Variants in MTFR1 observed in about 807,000 individuals in gnomAD.
MTFR1 encodes the protein mitochondrial fission regulator 1.
A neutral mutation model predicts 38.8 loss-of-function variants in MTFR1; 28 were observed. That is an observed-to-expected ratio of 0.72 (90% CI 0.53 to 0.99). The LOEUF (loss-of-function observed/expected upper bound fraction) is 0.99. Ranked by LOEUF, MTFR1 falls within the 50% of genes least tolerant of loss-of-function variation. MTFR1 has a pLI of 0.00. For synonymous variants in MTFR1, 145 were observed against 137.0 expected (o/e 1.06, Z -0.41); for missense variants, 358 against 395.5 (o/e 0.91, Z 0.81).
chr8:65,643,968 A>C (rs193010779), upstream of MTFR1, among the ~76,000 whole-genome samples: 5 of 152,260 alleles, frequency 3.3e-5, no homozygotes, highest in East Asian at 9.6e-4. Flanking sequence ...GATCAATTGC[A>C]ATGGGAGGGT....
chr8:65,773,051 G>C (rs2128921502), downstream of MTFR1, among the ~76,000 whole-genome samples: 1 of 152,222 alleles, frequency 6.6e-6, no homozygotes, highest in East Asian at 1.9e-4. Flanking sequence ...AACTCCTGCA[G>C]AGAACAAGTT....
chr8:65,757,926 A>G (rs1808314185), intron 3 of MTFR1, among the ~76,000 whole-genome samples: 1 of 152,152 alleles, frequency 6.6e-6, no homozygotes, highest in Non-Finnish European at 1.5e-5. Flanking sequence ...CAACTCCAAG[A>G]CTTTTAATGT....
At chr8:65,721,750 G>A (rs1305827103) in intron 3 of MTFR1, 2 of 151,404 alleles carry the variant, frequency 1.3e-5, no homozygotes, top group African/African-American at 4.9e-5. Context: ...AAAAGTAACT[G>A]AGTTGACTAC....
chr8:65,672,515 C>CT (rs199668673), intron 2 of MTFR1, among the ~76,000 whole-genome samples: 15,396 of 148,262 alleles, frequency 0.1, 762 homozygotes, highest in Admixed American at 0.11. Flanking sequence ...CAGTGAATCA[C>CT]TTTTTTTTTT....
rs1268814398 is a variant in MTFR1, at chr8:65,682,469, T to A, written c.165+18T>A. ...AGTTTCAGGTATTATATTTTATATA[T>A]TTTAAGTATTTTATTAATATGTACA... On this transcript the variant is annotated intron_variant, in intron 3 of 7. Transcript: ENST00000262146. 1 of 1,203,844 alleles carries A rather than the reference T, an allele frequency of 8.3e-7. No individual in the cohort carries two copies. Among genetic ancestry groups the A allele is most frequent in the Non-Finnish European group, 1.1e-6 (1 of 911,546 alleles). 74.6% of individuals were successfully genotyped at this position (1,203,844 alleles called of 1,614,324 possible).
At chr8:65,737,825 A>C (rs1050477056) in intron 3 of MTFR1, among the ~76,000 whole-genome samples, 3 of 152,144 alleles carry the variant, frequency 2.0e-5, no homozygotes, top group Non-Finnish European at 4.4e-5. Context: ...AGCATGTATG[A>C]AATATTAAAT....
intron 3 of MTFR1, among the ~76,000 whole-genome samples, chr8:65,747,115 ATC>A (rs1157376777): frequency 1.3e-5 from 2 of 152,136 alleles, no homozygotes; most frequent in African/African-American, 4.8e-5. Flanking sequence ...ACCCTCAAAA[ATC>A]TCTCTCAATG....
At chr8:65,680,114 CAGGGGTATT>C (rs1047891470) in intron 2 of MTFR1, among the ~76,000 whole-genome samples, 16 of 138,398 alleles carry the variant, frequency 1.2e-4, no homozygotes, top group Non-Finnish European at 1.7e-4. Flanking sequence ...TGGCAGGTGC[CAGGGGTATT>C]ATATATCCTT....
At chr8:65,723,746 C>T (rs914286199) in intron 3 of MTFR1, 1 of 583,972 alleles carries the variant, frequency 1.7e-6, no homozygotes, top group Non-Finnish European at 2.7e-6. Flanking sequence ...GAGAGGACAG[C>T]TTCGCAATTA....
At chr8:65,741,468 G>A (rs919715627) in intron 3 of MTFR1, among the ~76,000 whole-genome samples, 1 of 152,202 alleles carries the variant, frequency 6.6e-6, no homozygotes, top group Non-Finnish European at 1.5e-5. Context: ...TGATGAAAAA[G>A]TACATTAATT....
At chr8:65,771,062 C>CAA (rs1809063331) in exon 4 of MTFR1, 2 of 372,538 alleles carry the variant, frequency 5.4e-6, no homozygotes, top group Non-Finnish European at 1.1e-5. Flanking sequence ...ATCCAAACCA[C>CAA]AATAATTCAT....
At chr8:65,761,471 C>A (rs80229839) in intron 3 of MTFR1, among the ~76,000 whole-genome samples, 1 of 152,206 alleles carries the variant, frequency 6.6e-6, no homozygotes, top group African/African-American at 2.4e-5. Context: ...CCACTTCCAT[C>A]AAGCCTGGAC....
At chr8:65,770,422 T>C (rs957482132) in intron 3 of MTFR1, among the ~76,000 whole-genome samples, 2 of 152,194 alleles carry the variant, frequency 1.3e-5, no homozygotes, top group African/African-American at 2.4e-5. Context: ...AAACCTCTTA[T>C]AAAATCATCA....
chr8:65,777,077 CTTT>C, the MTFR1 span, among the ~76,000 whole-genome samples: 5 of 90,446 alleles, frequency 5.5e-5, no homozygotes, highest in African/African-American at 1.1e-4. Flanking sequence ...TTATCAAATG[CTTT>C]TTTTTTTTTT....
At chr8:65,698,482 T>C (rs1405541753) in intron 4 of MTFR1, among the ~76,000 whole-genome samples, 1 of 152,082 alleles carries the variant, frequency 6.6e-6, no homozygotes, top group Non-Finnish European at 1.5e-5. Context: ...TCATACAGGT[T>C]GAGCAACCCT....
chr8:65,688,098 T>TAAAA (rs546722264), intron 3 of MTFR1, among the ~76,000 whole-genome samples: 5 of 120,850 alleles, frequency 4.1e-5, no homozygotes, highest in East Asian at 2.6e-4. Context: ...AGACTCCGTC[T>TAAAA]AAAAAAAAAA....
intron 2 of MTFR1, among the ~76,000 whole-genome samples, chr8:65,716,105 C>T (rs1378855660): frequency 7.1e-6 from 1 of 140,028 alleles, no homozygotes; most frequent in Non-Finnish European, 1.5e-5. Context: ...CTGCAGTGAT[C>T]ATGCCACTGC....
intron 3 of MTFR1, among the ~76,000 whole-genome samples, chr8:65,764,126 C>T (rs1192557135): frequency 6.6e-6 from 1 of 152,048 alleles, no homozygotes; most frequent in Non-Finnish European, 1.5e-5. Flanking sequence ...TCTACAAGCA[C>T]CACTTTGTAA....
intron 3 of MTFR1, among the ~76,000 whole-genome samples, chr8:65,721,200 C>T (rs540036261): frequency 2.0e-5 from 3 of 152,330 alleles, no homozygotes; most frequent in African/African-American, 4.8e-5. Flanking sequence ...ACTAGCCCCA[C>T]AAGCCTCTAC....
Sources: gnomAD v4.1 joint callset for allele counts (sites outside exome capture counted in the v4.1 genomes callset) on GRCh38, gnomAD v4.1.1 for gene constraint, MANE v1.5 for transcripts, NCBI Gene and HGNC (gene_info 2026-07-23, HGNC 2026-07-21) for gene names.